Variants in HVCN1 observed in about 807,000 individuals in gnomAD.
The protein encoded by HVCN1 is hydrogen voltage gated channel 1.
Under a neutral mutation model 29.2 loss-of-function variants are expected in HVCN1, and 14 were observed. The observed-to-expected ratio is 0.48, with a 90% CI of 0.32 to 0.75. The LOEUF (loss-of-function observed/expected upper bound fraction) is 0.75. Among genes scored for constraint, HVCN1 ranks in the 30% least tolerant of loss-of-function variants. HVCN1 has a pLI of 0.04. For synonymous variants in HVCN1, 131 were observed against 133.2 expected (o/e 0.98, Z 0.11); for missense variants, 263 against 341.8 (o/e 0.77, Z 1.82).
intron 6 of HVCN1, 48 bp downstream of exon 6, chr12:110,651,169 C>T (rs1378103701): frequency 7.1e-7 from 1 of 1,400,338 alleles, no homozygotes; most frequent in East Asian, 2.3e-5. Context: ...TGGATGTATG[C>T]CTGGGCCCCT....
At chr12:110,678,481 C>CACT (rs2068830840) in intron 3 of HVCN1, among the ~76,000 whole-genome samples, 1 of 116,038 alleles carries the variant, frequency 8.6e-6, no homozygotes, top group South Asian at 3.1e-4. Flanking sequence ...GACAGGGTCT[C>CACT]ACTCTGCCAC....
chr12:110,702,357 T>C (rs1190139906), exon 2 of HVCN1: 1 of 152,166 alleles, frequency 6.6e-6, no homozygotes, highest in Admixed American at 6.6e-5. Context: ...GGTCAGGAAG[T>C]TAGATGCTTG....
chr12:110,670,656 A>G (rs2068545126), intron 3 of HVCN1, among the ~76,000 whole-genome samples: 1 of 152,164 alleles, frequency 6.6e-6, no homozygotes. Flanking sequence ...CATGACTTGG[A>G]GACTATGTTC....
intron 3 of HVCN1, among the ~76,000 whole-genome samples, chr12:110,673,843 T>C (rs190104453): frequency 6.6e-6 from 1 of 152,356 alleles, no homozygotes; most frequent in Non-Finnish European, 1.5e-5. Context: ...AAAGTTTGCT[T>C]CAGGGGTGGG....
At chr12:110,678,254 G>A (rs2068813837) in intron 3 of HVCN1, among the ~76,000 whole-genome samples, 1 of 152,076 alleles carries the variant, frequency 6.6e-6, no homozygotes, top group South Asian at 2.1e-4. Flanking sequence ...ACACTGCCCA[G>A]CCCTGCACCC....
intron 2 of HVCN1, among the ~76,000 whole-genome samples, chr12:110,695,420 G>T (rs1337236847): frequency 6.6e-6 from 1 of 151,830 alleles, no homozygotes; most frequent in Non-Finnish European, 1.5e-5. Flanking sequence ...GCCAGGTGTG[G>T]TGGTGCATGC....
At chr12:110,678,963 A>C (rs966256667) in intron 3 of HVCN1, among the ~76,000 whole-genome samples, 3 of 152,222 alleles carry the variant, frequency 2.0e-5, no homozygotes, top group Admixed American at 6.5e-5. Flanking sequence ...TGTAGAAAGA[A>C]AAAAGAAAAA....
intron 2 of HVCN1, among the ~76,000 whole-genome samples, chr12:110,697,865 TG>T (rs1264580341): frequency 6.6e-6 from 1 of 152,152 alleles, no homozygotes; most frequent in Non-Finnish European, 1.5e-5. Flanking sequence ...TTGGCTAGAC[TG>T]GTCTCGAACT....
intron 3 of HVCN1, among the ~76,000 whole-genome samples, chr12:110,677,069 G>A (rs1292745339): frequency 6.6e-6 from 1 of 152,130 alleles, no homozygotes; most frequent in Non-Finnish European, 1.5e-5. Context: ...ACCAGGTGTA[G>A]TGGTGCTCGC....
At chr12:110,698,928 G>A (rs772109335) in intron 2 of HVCN1, among the ~76,000 whole-genome samples, 1 of 152,220 alleles carries the variant, frequency 6.6e-6, no homozygotes, top group African/African-American at 2.4e-5. Flanking sequence ...AGGAGTTCGA[G>A]ACCAACCTGG....
chr12:110,656,393 GCAGCTGGTGGTGATGGCAGTCACGGTGA>G (rs1183755155), intron 4 of HVCN1, among the ~76,000 whole-genome samples: 5 of 152,186 alleles, frequency 3.3e-5, no homozygotes, highest in Non-Finnish European at 7.3e-5. Context: ...GCTGTGGGAA[GCAGCTGGTGGTGATGGCAGTCACGGTGA>G]CAGCTGGTGA....
upstream of HVCN1, among the ~76,000 whole-genome samples, chr12:110,690,912 G>A (rs867764929): frequency 5.3e-5 from 8 of 151,740 alleles, no homozygotes; most frequent in Middle Eastern, 0.014. Flanking sequence ...CTGCCACCAC[G>A]CCTGGCTAAT....
chr12:110,696,503 C>T (rs1034367077), intron 2 of HVCN1, among the ~76,000 whole-genome samples: 6 of 151,798 alleles, frequency 4.0e-5, no homozygotes, highest in Non-Finnish European at 7.4e-5. Flanking sequence ...TTGCTTGAGC[C>T]CAGGAGGTGG....
chr12:110,688,990 C>T (rs950216883), intron 1 of HVCN1, 90 bp downstream of exon 1: 5 of 152,552 alleles, frequency 3.3e-5, no homozygotes, highest in African/African-American at 1.2e-4. Flanking sequence ...GGGGGGGTCC[C>T]CTCTTCTCGG....
intron 6 of HVCN1, among the ~76,000 whole-genome samples, chr12:110,650,835 ATGTGTGCACCACCACACCCAAC>A (rs2067780056): frequency 6.6e-6 from 1 of 151,740 alleles, no homozygotes; most frequent in Non-Finnish European, 1.5e-5. Flanking sequence ...CTGGGACTAC[ATGTGTGCACCACCACACCCAAC>A]TGATGTTTGT....
At chr12:110,652,149 T>G (rs2067834470) in intron 5 of HVCN1, among the ~76,000 whole-genome samples, 1 of 152,242 alleles carries the variant, frequency 6.6e-6, no homozygotes, top group South Asian at 2.1e-4. Context: ...ATCCCAGCAC[T>G]TTGGGAGGCC....
intron 3 of HVCN1, among the ~76,000 whole-genome samples, chr12:110,662,519 A>C (rs979624294): frequency 1.3e-5 from 2 of 152,242 alleles, no homozygotes; most frequent in African/African-American, 4.8e-5. Context: ...AGCCTGGCCA[A>C]CATGGCAAGA....
intron 3 of HVCN1, among the ~76,000 whole-genome samples, chr12:110,672,908 CCT>C (rs2068631590): frequency 6.6e-6 from 1 of 152,192 alleles, no homozygotes; most frequent in Non-Finnish European, 1.5e-5. Context: ...TCCAATTAAA[CCT>C]CTTTTTCTTC....
intron 3 of HVCN1, among the ~76,000 whole-genome samples, chr12:110,679,622 G>A (rs1401824299): frequency 6.6e-6 from 1 of 152,178 alleles, no homozygotes; most frequent in Non-Finnish European, 1.5e-5. Flanking sequence ...GGGAGGCCGA[G>A]GCGGGTGGAT....
Sources: gnomAD v4.1 joint callset for allele counts (sites outside exome capture counted in the v4.1 genomes callset) on GRCh38, gnomAD v4.1.1 for gene constraint, MANE v1.5 for transcripts, NCBI Gene and HGNC (gene_info 2026-07-23, HGNC 2026-07-21) for gene names.